Variants in CDH13 observed in about 807,000 individuals in gnomAD.
CDH13 encodes cadherin-13.
Under a neutral mutation model 63.8 loss-of-function variants are expected in CDH13, and 24 were observed. The observed-to-expected ratio is 0.38, with a 90% CI of 0.27 to 0.53. CDH13 has a LOEUF of 0.53. CDH13 is among the 20% of genes least tolerant of loss of function. The pLI, the probability that CDH13 is intolerant of heterozygous loss-of-function variation, is 0.85. For missense variants in CDH13, 1,049 were observed against 903.1 expected, an observed-to-expected ratio of 1.16 and a Z score of -2.07; for synonymous variants, 503 against 355.3, an observed-to-expected ratio of 1.42 and a Z score of -4.67.
At chr16:82,777,781 C>T (rs915025762) in intron 1 of CDH13, among the ~76,000 whole-genome samples, 1 of 152,144 alleles carries the variant, frequency 6.6e-6, no homozygotes, top group Non-Finnish European at 1.5e-5. Context: ...CATGGGATTG[C>T]TGGCAGGATT....
chr16:83,061,538 T>C (rs2031550509), intron 3 of CDH13, among the ~76,000 whole-genome samples: 1 of 152,152 alleles, frequency 6.6e-6, no homozygotes, highest in African/African-American at 2.4e-5. Context: ...AGCTCACCCA[T>C]GGTGTGCTAG....
intron 1 of CDH13, among the ~76,000 whole-genome samples, chr16:82,709,668 G>C (rs2151003768): frequency 6.6e-6 from 1 of 152,290 alleles, no homozygotes; most frequent in Non-Finnish European, 1.5e-5. Flanking sequence ...ATAATTATTA[G>C]GACTTCACAT....
At chr16:83,489,940 G>A (rs12444050) in intron 7 of CDH13, among the ~76,000 whole-genome samples, 2 of 151,642 alleles carry the variant, frequency 1.3e-5, no homozygotes, top group Non-Finnish European at 2.9e-5. Context: ...CTCAAATTGC[G>A]TGTTGGAACA....
intron 7 of CDH13, among the ~76,000 whole-genome samples, chr16:83,495,444 T>TA: frequency 6.6e-6 from 1 of 152,280 alleles, no homozygotes; most frequent in East Asian, 1.9e-4. Context: ...AGCCTCCAGG[T>TA]AGCAGGCTTC....
At chr16:83,535,615 T>G (rs2075167466) in intron 7 of CDH13, among the ~76,000 whole-genome samples, 1 of 152,184 alleles carries the variant, frequency 6.6e-6, no homozygotes, top group African/African-American at 2.4e-5. Context: ...GGGAAGGTGT[T>G]ATGCATGGTG....
chr16:83,189,653 G>C (rs2038635892), intron 4 of CDH13, among the ~76,000 whole-genome samples: 3 of 152,164 alleles, frequency 2.0e-5, no homozygotes. Flanking sequence ...GTGGTAGCCT[G>C]ATCTTCTCCT....
intron 6 of CDH13, among the ~76,000 whole-genome samples, chr16:83,427,133 C>A (rs1311022230): frequency 3.3e-5 from 5 of 151,680 alleles, no homozygotes; most frequent in African/African-American, 1.2e-4. Flanking sequence ...TCACCGTGGT[C>A]TCTATCTTCT....
chr16:83,517,851 A>C (rs1174587365), intron 7 of CDH13, among the ~76,000 whole-genome samples: 1 of 152,164 alleles, frequency 6.6e-6, no homozygotes, highest in African/African-American at 2.4e-5. Context: ...CACTAAATGC[A>C]AGGCATTGGG....
intron 5 of CDH13, among the ~76,000 whole-genome samples, chr16:83,290,604 G>C (rs1035816567): frequency 6.6e-6 from 1 of 152,112 alleles, no homozygotes; most frequent in Non-Finnish European, 1.5e-5. Flanking sequence ...TGCAGTCTCA[G>C]GTATGTCTTT....
At chr16:83,286,572 A>G (rs1210872037) in intron 5 of CDH13, among the ~76,000 whole-genome samples, 2 of 152,060 alleles carry the variant, frequency 1.3e-5, no homozygotes, top group Non-Finnish European at 2.9e-5. Context: ...CCTTGGCAAC[A>G]CAGTGAAACC....
At chr16:83,007,749 A>G (rs1412319843) in intron 2 of CDH13, among the ~76,000 whole-genome samples, 1 of 151,328 alleles carries the variant, frequency 6.6e-6, no homozygotes, top group East Asian at 2.0e-4. Flanking sequence ...ACTTGAACCC[A>G]GGAGGCGGGG....
At chr16:83,554,919 CT>C (rs200979734) in intron 7 of CDH13, among the ~76,000 whole-genome samples, 1,464 of 133,754 alleles carry the variant, frequency 0.011, 9 homozygotes, top group African/African-American at 0.023. Flanking sequence ...ACTGCTGAAT[CT>C]TTTTTTTTTT....
At chr16:83,065,860 C>G (rs2031969157) in intron 3 of CDH13, among the ~76,000 whole-genome samples, 1 of 152,112 alleles carries the variant, frequency 6.6e-6, no homozygotes, top group South Asian at 2.1e-4. Context: ...GGGAAACTTC[C>G]TCTTGCAAAG....
chr16:83,170,423 T>C (rs1018442740), intron 4 of CDH13, among the ~76,000 whole-genome samples: 1 of 152,122 alleles, frequency 6.6e-6, no homozygotes, highest in African/African-American at 2.4e-5. Flanking sequence ...AACTGGAAGA[T>C]GACAACATAG....
intron 4 of CDH13, chr16:83,180,845 A>C (rs2038323307): frequency 6.7e-7 from 1 of 1,482,980 alleles, no homozygotes; most frequent in African/African-American, 1.4e-5. Flanking sequence ...AATTTACAAC[A>C]AAATGTGTTT....
At chr16:82,781,045 A>G (rs2035729459) in intron 1 of CDH13, among the ~76,000 whole-genome samples, 1 of 152,224 alleles carries the variant, frequency 6.6e-6, no homozygotes, top group South Asian at 2.1e-4. Flanking sequence ...AGTGGGATTT[A>G]GGCTTGACTT....
At chr16:83,260,561 G>A (rs761224500) in intron 5 of CDH13, among the ~76,000 whole-genome samples, 13 of 152,252 alleles carry the variant, frequency 8.5e-5, no homozygotes, top group Middle Eastern at 3.4e-3. Context: ...GGAATCACCC[G>A]GGATCCCAGC....
At chr16:83,592,509 G>T (rs182773591) in intron 7 of CDH13, among the ~76,000 whole-genome samples, 1 of 152,258 alleles carries the variant, frequency 6.6e-6, no homozygotes, top group East Asian at 1.9e-4. Flanking sequence ...TTTTCCAGGG[G>T]TTCTAGGAAC....
chr16:83,249,709 C>G (rs1905300812), intron 5 of CDH13, among the ~76,000 whole-genome samples: 1 of 152,112 alleles, frequency 6.6e-6, no homozygotes, highest in South Asian at 2.1e-4. Context: ...ATGTCTGTCT[C>G]CAATTCATGT....
Sources: gnomAD v4.1 joint callset for allele counts (sites outside exome capture counted in the v4.1 genomes callset) on GRCh38, gnomAD v4.1.1 for gene constraint, MANE v1.5 for transcripts, NCBI Gene and HGNC (gene_info 2026-07-23, HGNC 2026-07-21) for gene names.